ZEB1: variants seen among roughly 807,000 people sequenced by gnomAD.
ZEB1 encodes the protein zinc finger E-box-binding homeobox 1.
A neutral mutation model predicts 84.9 loss-of-function variants in ZEB1; 21 were observed. That is an observed-to-expected ratio of 0.25 (90% CI 0.18 to 0.36). The LOEUF (loss-of-function observed/expected upper bound fraction) is 0.36. Ranked by LOEUF, ZEB1 falls within the 10% of genes least tolerant of loss-of-function variation. The probability of loss-of-function intolerance (pLI) is 1.00; values close to 1 mark genes in which losing one functional copy is unlikely to be tolerated. For synonymous variants in ZEB1, 420 were observed against 471.1 expected, an observed-to-expected ratio of 0.89 and a Z score of 1.41; for missense variants, 1,104 against 1,330.2, an observed-to-expected ratio of 0.83 and a Z score of 2.65.
chr10:31,328,723 T>A (rs2036123154), intron 1 of ZEB1, among the ~76,000 whole-genome samples: 1 of 152,136 alleles, frequency 6.6e-6, no homozygotes, highest in Non-Finnish European at 1.5e-5. Context: ...GGCCATTATA[T>A]GAGAGAGACC....
chr10:31,505,643 GTTCTT>G (rs2068848509), intron 4 of ZEB1, among the ~76,000 whole-genome samples: 3 of 151,522 alleles, frequency 2.0e-5, no homozygotes, highest in Admixed American at 2.0e-4. Flanking sequence ...CATCTTCTCT[GTTCTT>G]TTCTTAGTCT....
In ZEB1 at chr10:31,511,407, T is replaced by G. The variant is rs188691268; in HGVS notation, c.687+532T>G. On this transcript the variant is annotated intron_variant, in intron 5 of 8. Transcript: ENST00000424869. Reference sequence around the variant, plus strand: ...AGATTTTTTTATTCTGAAGACTCAATTTTTATATGGTTTATTCTACTTCTG... The same window carrying G: ...AGATTTTTTTATTCTGAAGACTCAAGTTTTATATGGTTTATTCTACTTCTG... 1.2e-3 allele frequency among the ~76,000 whole-genome samples: 186 copies of G among 152,274 alleles called. 1 individual carries two copies. Among genetic ancestry groups the G allele is most frequent in the African/African-American group, 4.2e-3 (173 of 41,554 alleles).
rs1035483754 is a variant in ZEB1 at position 31,521,869 on chromosome 10, A to C, written c.2537A>C (p.Tyr846Ser). The part of the protein sequence containing the change: ...TILIPQVAYT[Y>S]STTVSPAVQE... The stretch of plus-strand genomic sequence containing the variant: ...CTGATTCCCCAGGTGGCATACACCT[A>C]CTCAACTACGGTCAGCCCTGCAGTC... Residue 846 changes from tyrosine (Y) to serine (S), a missense_variant, in exon 7 of 9, where the codon TAC becomes TCC. By Grantham distance (144) the Tyr-to-Ser change is moderately radical. Coordinates refer to ENST00000424869, the MANE Select transcript of ZEB1 (RefSeq NM_001174096.2). 3.1e-6 allele frequency: 5 copies of C among 1,614,032 alleles called. No individual in the cohort carries two copies. The highest frequency in any genetic ancestry group is 2.2e-5 in the East Asian group (1 of 44,848).
At chr10:31,441,111 C>G (rs1186556992) in intron 1 of ZEB1, among the ~76,000 whole-genome samples, 1 of 152,132 alleles carries the variant, frequency 6.6e-6, no homozygotes, top group Non-Finnish European at 1.5e-5. Context: ...CAATCCTAAG[C>G]CAAAAGAACA....
At chr10:31,357,509 T>G (rs559714118) in intron 1 of ZEB1, among the ~76,000 whole-genome samples, 4 of 152,280 alleles carry the variant, frequency 2.6e-5, no homozygotes. Flanking sequence ...TTTATACTGA[T>G]GATCAAGAAG....
At chr10:31,326,364 A>G (rs551898982) in intron 1 of ZEB1, among the ~76,000 whole-genome samples, 2 of 152,220 alleles carry the variant, frequency 1.3e-5, no homozygotes, top group East Asian at 3.9e-4. Flanking sequence ...ATTTGCTCCT[A>G]TTGCTACATC....
At chr10:31,355,269 A>G (rs953673582) in intron 1 of ZEB1, 13 of 152,134 alleles carry the variant, frequency 8.5e-5, no homozygotes, top group Non-Finnish European at 1.8e-4. Flanking sequence ...GGTCTTCAGG[A>G]CTTCCAGATA....
chr10:31,408,432 G>A (rs1448849114), intron 1 of ZEB1, among the ~76,000 whole-genome samples: 8 of 151,902 alleles, frequency 5.3e-5, no homozygotes, highest in African/African-American at 1.5e-4. Flanking sequence ...AGCCTGCATC[G>A]CCAAGTCAAT....
At chr10:31,480,171 T>A (rs896290557) in intron 2 of ZEB1, among the ~76,000 whole-genome samples, 1 of 152,062 alleles carries the variant, frequency 6.6e-6, no homozygotes, top group Non-Finnish European at 1.5e-5. Context: ...TAACAGCGAT[T>A]TAAAAACATT....
chr10:31,418,681 G>A (rs1404057587), intron 1 of ZEB1, among the ~76,000 whole-genome samples: 1 of 152,052 alleles, frequency 6.6e-6, no homozygotes, highest in East Asian at 1.9e-4. Context: ...GTGTTCTAGA[G>A]TCACATCATG....
In ZEB1 at chr10:31,406,838, A is replaced by C. The variant is rs11812154; in HGVS notation, c.59-54199A>C. Among the ~76,000 whole-genome samples, 1,419 of 152,158 alleles carry C rather than the reference A, an allele frequency of 9.3e-3. 24 individuals are homozygous for C. Among genetic ancestry groups the C allele is most frequent in the African/African-American group, 0.033 (1,360 of 41,524 alleles). ...TTTATGGTTTTAGGTCTTATGTTTA[A>C]GTGTTTAATCTATCTTGAGTTAATT... On this transcript the variant is annotated intron_variant, in intron 1 of 8. Transcript: ENST00000424869.
chr10:31,333,518 T>G (rs1444143157), intron 1 of ZEB1, among the ~76,000 whole-genome samples: 1 of 152,072 alleles, frequency 6.6e-6, no homozygotes, highest in Non-Finnish European at 1.5e-5. Context: ...TGGTAAGTTT[T>G]AACGCATGTT....
chr10:31,452,747 GA>G (rs1359907948), intron 1 of ZEB1, among the ~76,000 whole-genome samples: 21 of 97,134 alleles, frequency 2.2e-4, no homozygotes, highest in South Asian at 1.6e-3. Context: ...GTGTGTGAGA[GA>G]GAGAGAGAGA....
intron 1 of ZEB1, among the ~76,000 whole-genome samples, chr10:31,429,592 C>T (rs997493027): frequency 6.6e-6 from 1 of 151,428 alleles, no homozygotes; most frequent in African/African-American, 2.4e-5. Flanking sequence ...GGGCCTAATA[C>T]CTGTGTGATG....
intron 1 of ZEB1, among the ~76,000 whole-genome samples, chr10:31,415,621 T>G (rs2055086532): frequency 6.6e-6 from 1 of 152,114 alleles, no homozygotes; most frequent in Admixed American, 6.6e-5. Context: ...CTTTTATCAT[T>G]TGCTCTGCTT....
At chr10:31,441,371 T>C (rs2058960274) in intron 1 of ZEB1, among the ~76,000 whole-genome samples, 1 of 152,220 alleles carries the variant, frequency 6.6e-6, no homozygotes, top group Non-Finnish European at 1.5e-5. Flanking sequence ...AAGCTGAAAC[T>C]GGATCCTTTC....
chr10:31,351,013 C>T (rs2041228713), intron 1 of ZEB1, among the ~76,000 whole-genome samples: 1 of 152,096 alleles, frequency 6.6e-6, no homozygotes, highest in African/African-American at 2.4e-5. Context: ...CTTCAGTTCC[C>T]TTCTCCCCCA....
intron 1 of ZEB1, among the ~76,000 whole-genome samples, chr10:31,441,903 AAAC>A (rs1327410339): frequency 6.6e-6 from 1 of 152,224 alleles, no homozygotes; most frequent in Non-Finnish European, 1.5e-5. Flanking sequence ...AAAAGTCAGG[AAAC>A]AACAGGTACT....
At chr10:31,423,543 A>G (rs2056508828) in intron 1 of ZEB1, among the ~76,000 whole-genome samples, 1 of 152,142 alleles carries the variant, frequency 6.6e-6, no homozygotes, top group Admixed American at 6.6e-5. Context: ...TGCAATAGGT[A>G]TACTCCCAAA....
Sources: allele counts gnomAD v4.1 joint callset (sites outside exome capture counted in the v4.1 genomes callset), GRCh38; gene constraint gnomAD v4.1.1; transcripts MANE v1.5; gene names NCBI Gene and HGNC (gene_info 2026-07-23, HGNC 2026-07-21).